The following ARHGEF3 variants were observed in gnomAD, a reference collection of about 807,000 sequenced individuals.
ARHGEF3 encodes the protein 59.8 kDA protein.
In ARHGEF3, 28 loss-of-function variants were observed where a neutral mutation model predicts 63.2. The ratio of observed to expected loss-of-function variants is 0.44; its 90% confidence interval spans 0.33 to 0.61. The LOEUF is 0.61. ARHGEF3 is among the 20% of genes least tolerant of loss of function. The pLI, the probability that ARHGEF3 is intolerant of heterozygous loss-of-function variation, is 0.03. For synonymous variants in ARHGEF3, 266 were observed against 254.2 expected (o/e 1.05, Z -0.44); for missense variants, 533 against 659.3 (o/e 0.81, Z 2.10).
chr3:57,030,345 A>G (rs1431557477), intron 2 of ARHGEF3, among the ~76,000 whole-genome samples: 1 of 152,170 alleles, frequency 6.6e-6, no homozygotes, highest in Non-Finnish European at 1.5e-5. Flanking sequence ...TGAGCAAGCC[A>G]GGGGAGATTT....
chr3:56,773,468 A>G (rs1024134934), intron 2 of ARHGEF3, among the ~76,000 whole-genome samples: 2 of 152,204 alleles, frequency 1.3e-5, no homozygotes, highest in Non-Finnish European at 2.9e-5. Context: ...GATGGGGCAC[A>G]TAACTCTGAA....
At chr3:56,747,202 T>C (rs1017670611) in intron 6 of ARHGEF3, among the ~76,000 whole-genome samples, 1 of 152,176 alleles carries the variant, frequency 6.6e-6, no homozygotes, top group Non-Finnish European at 1.5e-5. Context: ...TTTAAAAAGA[T>C]CTGGAAATGC....
At chr3:56,950,664 C>G (rs558245535) in intron 3 of ARHGEF3, among the ~76,000 whole-genome samples, 12 of 152,172 alleles carry the variant, frequency 7.9e-5, no homozygotes, top group African/African-American at 2.9e-4. Context: ...AATAGGAACA[C>G]TTTTACACTG....
chr3:56,972,860 T>C (rs1480899438), intron 2 of ARHGEF3, among the ~76,000 whole-genome samples: 1 of 151,996 alleles, frequency 6.6e-6, no homozygotes, highest in Non-Finnish European at 1.5e-5. Flanking sequence ...AAAGGATTGC[T>C]GTCAATGTTG....
intron 2 of ARHGEF3, among the ~76,000 whole-genome samples, chr3:56,757,988 T>C (rs1163279184): frequency 1.3e-5 from 2 of 149,994 alleles, no homozygotes; most frequent in Admixed American, 6.6e-5. Flanking sequence ...TCCCAAAGTG[T>C]CTAAAATGGC....
In ARHGEF3 at chr3:57,028,613, A is replaced by G. The variant is rs1385518176; in HGVS notation, c.62+6475T>C. 6.6e-5 allele frequency among the ~76,000 whole-genome samples: 9 copies of G among 137,388 alleles called. No homozygotes were observed. The Admixed American group carries it at 6.6e-4, about 10-fold the overall frequency. 90.1% of individuals were successfully genotyped at this position (137,388 alleles called of 152,430 possible). A position where few individuals can be genotyped will look rare whatever the true frequency, so the allele number is the denominator to read the frequency against. On this transcript the variant is annotated intron_variant, in intron 2 of 12. Transcript: ENST00000338458. ...TGCTAGATGACAAGTTAGTGGGTGC[A>G]GCGCACCAGCATGGCACATGTATAC...
chr3:57,004,938 T>C (rs947583156), intron 2 of ARHGEF3, among the ~76,000 whole-genome samples: 17 of 151,818 alleles, frequency 1.1e-4, no homozygotes, highest in Admixed American at 8.5e-4. Flanking sequence ...CCAGCCTGAG[T>C]GACAGAGCAA....
intron 4 of ARHGEF3, among the ~76,000 whole-genome samples, chr3:56,871,775 C>A (rs868407326): frequency 5.9e-5 from 9 of 152,230 alleles, no homozygotes; most frequent in Middle Eastern, 3.4e-3. Flanking sequence ...CTCAGACCCT[C>A]AAGAGTTCAC....
At chr3:56,923,046 ATATATATATATATATATATATATAT>A (rs1560053686) in intron 3 of ARHGEF3, among the ~76,000 whole-genome samples, 22 of 72,016 alleles carry the variant, frequency 3.1e-4, no homozygotes, top group Admixed American at 1.2e-3. Flanking sequence ...ATATATATAT[ATATATATATATATATATATATATAT>A]ATATAAATTA....
Position 56,801,858 on chromosome 3 carries a change from C to G in ARHGEF3, c.-60G>C. The stretch of plus-strand genomic sequence containing the variant: ...GCTGACCCTAGGCGACTACAAAACT[C>G]CCAGGCAAAAGGGGGCCCCAGCTCC... On this transcript the variant is annotated 5_prime_UTR_variant, in exon 1 of 10. Coordinates refer to ENST00000296315, the MANE Select transcript of ARHGEF3 (RefSeq NM_019555.3). The G allele has an allele frequency of 6.4e-7, 1 of 1,551,416 alleles. No homozygotes were observed.
chr3:56,883,328 C>G (rs1016146011), intron 3 of ARHGEF3, among the ~76,000 whole-genome samples: 4 of 148,936 alleles, frequency 2.7e-5, no homozygotes, highest in African/African-American at 9.9e-5. Context: ...GAGACAGGGT[C>G]TCCCTCTGTT....
chr3:56,833,814 A>T (rs922634168), intron 4 of ARHGEF3, among the ~76,000 whole-genome samples: 2 of 152,128 alleles, frequency 1.3e-5, no homozygotes, highest in African/African-American at 2.4e-5. Flanking sequence ...TTTGGATCAC[A>T]CTTCAGGAGA....
intron 4 of ARHGEF3, among the ~76,000 whole-genome samples, chr3:56,815,179 G>T (rs954534286): frequency 1.3e-5 from 2 of 151,650 alleles, no homozygotes; most frequent in African/African-American, 2.4e-5. Flanking sequence ...AGAAGACATG[G>T]TATACAATCT....
intron 2 of ARHGEF3, among the ~76,000 whole-genome samples, chr3:57,009,879 A>G (rs9822979): frequency 0.012 from 1,879 of 152,314 alleles, 38 homozygotes; most frequent in African/African-American, 0.043. Context: ...GACAGCTAAC[A>G]TTTAGTAAGC....
intron 2 of ARHGEF3, among the ~76,000 whole-genome samples, chr3:56,971,836 A>G (rs1219302409): frequency 6.6e-6 from 1 of 151,996 alleles, no homozygotes; most frequent in African/African-American, 2.4e-5. Context: ...CCTGGGCAAC[A>G]GAGCGAGACT....
intron 1 of ARHGEF3, among the ~76,000 whole-genome samples, chr3:57,059,170 C>T (rs951742631): frequency 6.6e-6 from 1 of 152,012 alleles, no homozygotes; most frequent in Admixed American, 6.6e-5. Context: ...TGCTGACATG[C>T]AATCATACTT....
chr3:56,755,246 T>C (rs2035000392), intron 2 of ARHGEF3, 95 bp from the exon 3 acceptor site: 18 of 1,366,210 alleles, frequency 1.3e-5, no homozygotes, highest in East Asian at 2.3e-5. Flanking sequence ...ATAAATCATA[T>C]ATGTGAAAGA....
rs73833782 is a variant in ARHGEF3 at position 56,980,920 on chromosome 3, T to C, written c.63-22031A>G. Among the ~76,000 whole-genome samples the C allele has an allele frequency of 2.3e-3, 358 of 152,372 alleles. 1 individual carries two copies. The highest frequency in any genetic ancestry group is 7.5e-3 in the African/African-American group (314 of 41,592). Reference sequence around the variant, plus strand: ...AATATCCACATGGCCTGTGGCTGCCTACTTGTGCAATTGTATGACTGCCAG... The same window carrying C: ...AATATCCACATGGCCTGTGGCTGCCCACTTGTGCAATTGTATGACTGCCAG... On this transcript the variant is annotated intron_variant, in intron 2 of 12. Coordinates refer to the ARHGEF3 transcript ENST00000338458.
chr3:56,909,620 A>G (rs2041801473), intron 3 of ARHGEF3, among the ~76,000 whole-genome samples: 1 of 152,258 alleles, frequency 6.6e-6, no homozygotes, highest in South Asian at 2.1e-4. Context: ...ATCACTAGTC[A>G]GCACTCAAGA....
Sources: gnomAD v4.1 joint callset for allele counts (sites outside exome capture counted in the v4.1 genomes callset) on GRCh38, gnomAD v4.1.1 for gene constraint, MANE v1.5 for transcripts, NCBI Gene and HGNC (gene_info 2026-07-23, HGNC 2026-07-21) for gene names.